DLGAP2: variants seen among roughly 807,000 people sequenced by gnomAD.
DLGAP2 encodes DLG associated protein 2, also known as disks large-associated protein 2.
DLGAP2 carries 26 observed loss-of-function variants against 100.3 expected under a neutral mutation model. That is an observed-to-expected ratio of 0.26 (90% CI 0.19 to 0.36). The LOEUF (loss-of-function observed/expected upper bound fraction) is 0.36, where lower values mean the gene tolerates loss of function less well. Ranked by LOEUF, DLGAP2 falls within the 10% of genes least tolerant of loss-of-function variation. The pLI is 1.00. For missense variants in DLGAP2, 1,858 were observed against 1,453.2 expected (o/e 1.28, Z -4.53); for synonymous variants, 886 against 630.1 (o/e 1.41, Z -6.08).
intron 1 of DLGAP2, among the ~76,000 whole-genome samples, chr8:804,235 G>A (rs1796224648): frequency 6.6e-6 from 1 of 152,214 alleles, no homozygotes; most frequent in East Asian, 1.9e-4. Context: ...TTTCCTTGAA[G>A]TCTATTTTAG....
intron 2 of DLGAP2, among the ~76,000 whole-genome samples, chr8:1,076,383 G>A (rs536432081): frequency 2.6e-4 from 39 of 152,318 alleles, no homozygotes; most frequent in African/African-American, 7.9e-4. Flanking sequence ...CCCCGTCTCC[G>A]AGCCTCAGTT....
chr8:741,010 G>A (rs765639752), intron 1 of DLGAP2, among the ~76,000 whole-genome samples: 4 of 152,140 alleles, frequency 2.6e-5, no homozygotes, highest in Non-Finnish European at 5.9e-5. Context: ...GAAGTTAGTA[G>A]GCACACTTTC....
chr8:749,425 A>T (rs1433106776), intron 1 of DLGAP2, among the ~76,000 whole-genome samples: 1 of 152,054 alleles, frequency 6.6e-6, no homozygotes, highest in African/African-American at 2.4e-5. Context: ...ACTTCTCCTA[A>T]TTATTTTAAA....
At chr8:1,347,928 C>T (rs1398406710) in intron 3 of DLGAP2, among the ~76,000 whole-genome samples, 1 of 151,142 alleles carries the variant, frequency 6.6e-6, no homozygotes, top group African/African-American at 2.4e-5. Context: ...CTCATGGTAG[C>T]TGTGTGGAGA....
At chr8:1,624,048 T>A (rs964852373) in intron 6 of DLGAP2, among the ~76,000 whole-genome samples, 2 of 152,176 alleles carry the variant, frequency 1.3e-5, no homozygotes, top group African/African-American at 4.8e-5. Context: ...TCAGAGGTGA[T>A]CCCTTCGTTC....
chr8:1,382,369 C>A lies in DLGAP2; in HGVS notation c.107-118997C>A, dbSNP rs368797289. Among the ~76,000 whole-genome samples the A allele has an allele frequency of 1.2e-4, 18 of 152,280 alleles. No individual in the cohort carries two copies. In the South Asian group the frequency reaches 3.7e-3, roughly 32 times the overall value. On this transcript the variant is annotated intron_variant, in intron 3 of 14. Transcript: ENST00000637795. ...AGGGTGGCAGAGGAGGAAGAAGATC[C>A]CCGTGTGAGTGGACTCCAGCAGTTC...
intron 2 of DLGAP2, among the ~76,000 whole-genome samples, chr8:1,151,056 T>C (rs1563217570): frequency 6.6e-6 from 1 of 152,234 alleles, no homozygotes; most frequent in African/African-American, 2.4e-5. Flanking sequence ...ACTTTCTTTT[T>C]TCATTGAAAA....
chr8:1,486,286 G>A (rs899829023), intron 3 of DLGAP2, among the ~76,000 whole-genome samples: 1 of 152,198 alleles, frequency 6.6e-6, no homozygotes, highest in Admixed American at 6.5e-5. Context: ...GGAAAGCTGT[G>A]CAGTCTGCGT....
intron 8 of DLGAP2, among the ~76,000 whole-genome samples, chr8:1,641,197 C>T (rs1797890355): frequency 6.6e-6 from 1 of 152,202 alleles, no homozygotes; most frequent in South Asian, 2.1e-4. Flanking sequence ...ACAGACGAAT[C>T]ACGTGCCTCC....
At chr8:1,314,247 G>C (rs538267036) in intron 3 of DLGAP2, among the ~76,000 whole-genome samples, 1 of 152,312 alleles carries the variant, frequency 6.6e-6, no homozygotes, top group African/African-American at 2.4e-5. Flanking sequence ...TTACTGTTGA[G>C]TTAGACACGT....
chr8:856,191 T>TC (rs1563065844), intron 1 of DLGAP2, among the ~76,000 whole-genome samples: 9 of 60,290 alleles, frequency 1.5e-4, no homozygotes, highest in Non-Finnish European at 3.1e-4. Flanking sequence ...TCTTCTTTTT[T>TC]TTTTTTTTTT....
intron 2 of DLGAP2, among the ~76,000 whole-genome samples, chr8:1,025,656 C>A (rs564667324): frequency 3.9e-5 from 6 of 152,166 alleles, no homozygotes; most frequent in Non-Finnish European, 8.8e-5. Context: ...CTTGCCCACC[C>A]TCCCCTAGAG....
chr8:1,089,575 C>T (rs192639916), intron 2 of DLGAP2, among the ~76,000 whole-genome samples: 1 of 152,346 alleles, frequency 6.6e-6, no homozygotes, highest in Admixed American at 6.5e-5. Flanking sequence ...GCTGAGAGCA[C>T]TGAGGCCCAC....
At chr8:1,149,099 G>C (rs1156792157) in intron 2 of DLGAP2, among the ~76,000 whole-genome samples, 1 of 152,090 alleles carries the variant, frequency 6.6e-6, no homozygotes, top group Non-Finnish European at 1.5e-5. Context: ...AATTCAGATT[G>C]TCATACCTTC....
At chr8:1,191,833 G>A (rs867432827) in intron 2 of DLGAP2, among the ~76,000 whole-genome samples, 1 of 152,046 alleles carries the variant, frequency 6.6e-6, no homozygotes, top group Non-Finnish European at 1.5e-5. Context: ...ATGCCTTTAA[G>A]CTGATATTAC....
chr8:936,341 G>A (rs1042027960), intron 2 of DLGAP2, among the ~76,000 whole-genome samples: 2 of 152,184 alleles, frequency 1.3e-5, no homozygotes, highest in African/African-American at 2.4e-5. Flanking sequence ...TGCAGGAACC[G>A]ACCAATGTGT....
chr8:1,246,168 C>G lies in DLGAP2; in HGVS notation c.74-12683C>G, dbSNP rs957831516. ...TGAATGCTTTGTAATTACTCCATAG[C>G]CCTTGGTCAAATTAATATTCAAGAT... On this transcript the variant is annotated intron_variant, in intron 2 of 14. Transcript: ENST00000637795. 1.3e-5 allele frequency among the ~76,000 whole-genome samples: 2 copies of G among 152,138 alleles called. 1 individual carries two copies. The highest frequency in any genetic ancestry group is 2.9e-5 in the Non-Finnish European group (2 of 68,024).
intron 3 of DLGAP2, among the ~76,000 whole-genome samples, chr8:1,330,603 G>A (rs185684084): frequency 2.2e-5 from 3 of 139,182 alleles, no homozygotes; most frequent in East Asian, 2.2e-4. Context: ...CACGGGGACC[G>A]AGTTCTGGGT....
chr8:1,440,516 G>A (rs1291830631), intron 3 of DLGAP2, among the ~76,000 whole-genome samples: 1 of 152,232 alleles, frequency 6.6e-6, no homozygotes, highest in African/African-American at 2.4e-5. Flanking sequence ...CAGAGAGTCT[G>A]AGTGGAATCT....
Sources: allele counts gnomAD v4.1 joint callset (sites outside exome capture counted in the v4.1 genomes callset), GRCh38; gene constraint gnomAD v4.1.1; transcripts MANE v1.5; gene names NCBI Gene and HGNC (gene_info 2026-07-23, HGNC 2026-07-21).